ST6GALNAC3: variants seen among roughly 807,000 people sequenced by gnomAD.
The protein encoded by ST6GALNAC3 is ST6 N-acetylgalactosaminide alpha-2,6-sialyltransferase 3, also known as alpha-N-acetylgalactosaminide alpha-2,6-sialyltransferase 3.
A neutral mutation model predicts 32.7 loss-of-function variants in ST6GALNAC3; 25 were observed. That is an observed-to-expected ratio of 0.76 (90% confidence interval 0.56 to 1.07). The LOEUF (loss-of-function observed/expected upper bound fraction) is 1.07, where lower values mean the gene tolerates loss of function less well. Ranked by LOEUF, ST6GALNAC3 falls within the 50% of genes least tolerant of loss-of-function variation. The pLI, the probability that ST6GALNAC3 is intolerant of heterozygous loss-of-function variation, is 0.00. For missense variants in ST6GALNAC3, 355 were observed against 382.4 expected (o/e 0.93, Z 0.60); for synonymous variants, 129 against 133.1 (o/e 0.97, Z 0.21).
chr1:76,284,112 A>G (rs1659648206), intron 1 of ST6GALNAC3, among the ~76,000 whole-genome samples: 1 of 152,236 alleles, frequency 6.6e-6, no homozygotes, highest in African/African-American at 2.4e-5. Context: ...AAGTATTACT[A>G]CTATTAGATT....
chr1:76,138,243 G>T (rs1393116682), intron 1 of ST6GALNAC3, among the ~76,000 whole-genome samples: 1 of 152,172 alleles, frequency 6.6e-6, no homozygotes, highest in East Asian at 1.9e-4. Flanking sequence ...AAGGGCTTAT[G>T]GAGGGGAGAC....
At chr1:76,113,501 C>CTT (rs35035784) in intron 1 of ST6GALNAC3, among the ~76,000 whole-genome samples, 1 of 151,010 alleles carries the variant, frequency 6.6e-6, no homozygotes, top group East Asian at 1.9e-4. Flanking sequence ...TTCTTACATA[C>CTT]TTTTTTTTGG....
chr1:76,436,622 A>G (rs1304436100), intron 3 of ST6GALNAC3, among the ~76,000 whole-genome samples: 1 of 152,172 alleles, frequency 6.6e-6, no homozygotes, highest in Non-Finnish European at 1.5e-5. Context: ...AAAGCATTTA[A>G]TGAATCCTTA....
intron 2 of ST6GALNAC3, among the ~76,000 whole-genome samples, chr1:76,356,732 C>G (rs116655777): frequency 0.011 from 1,707 of 152,224 alleles, 26 homozygotes; most frequent in African/African-American, 0.039. Flanking sequence ...CTGAATCCCC[C>G]AGTCCTGATA....
intron 1 of ST6GALNAC3, among the ~76,000 whole-genome samples, chr1:76,194,623 A>T (rs550779048): frequency 5.3e-5 from 8 of 152,336 alleles, no homozygotes; most frequent in African/African-American, 1.9e-4. Flanking sequence ...AAGAGAAGAC[A>T]TAGATATGGA....
intron 2 of ST6GALNAC3, among the ~76,000 whole-genome samples, chr1:76,330,578 G>C (rs142192658): frequency 1.3e-5 from 2 of 152,316 alleles, no homozygotes; most frequent in African/African-American, 4.8e-5. Flanking sequence ...GAGGACATCT[G>C]TGTGCTAGGC....
At chr1:76,455,755 T>G (rs980550706) in intron 3 of ST6GALNAC3, among the ~76,000 whole-genome samples, 5 of 152,210 alleles carry the variant, frequency 3.3e-5, no homozygotes, top group African/African-American at 1.2e-4. Flanking sequence ...CCCAGCATTT[T>G]GTTGTGCTTT....
chr1:76,171,088 G>GGT (rs71071988), intron 1 of ST6GALNAC3, among the ~76,000 whole-genome samples: 5,379 of 149,524 alleles, frequency 0.036, 180 homozygotes, highest in African/African-American at 0.085. Context: ...CATTGAGAGG[G>GGT]GTGTGTGTGT....
At chr1:76,526,164 T>C (rs1171364038) in intron 3 of ST6GALNAC3, among the ~76,000 whole-genome samples, 1 of 151,918 alleles carries the variant, frequency 6.6e-6, no homozygotes, top group African/African-American at 2.4e-5. Flanking sequence ...AGGACGACGA[T>C]AGAATTTTCC....
At chr1:76,518,133 T>A (rs958349517) in intron 3 of ST6GALNAC3, among the ~76,000 whole-genome samples, 1 of 152,056 alleles carries the variant, frequency 6.6e-6, no homozygotes, top group Non-Finnish European at 1.5e-5. Flanking sequence ...TTTCTCCTTA[T>A]AAAATTTTAA....
At chr1:76,581,391 G>T (rs1479048622) in intron 3 of ST6GALNAC3, among the ~76,000 whole-genome samples, 3 of 152,156 alleles carry the variant, frequency 2.0e-5, no homozygotes, top group Non-Finnish European at 4.4e-5. Context: ...TGGGAAGAGT[G>T]CATGTGTTAT....
chr1:76,457,686 G>A (rs1321836160), intron 3 of ST6GALNAC3, among the ~76,000 whole-genome samples: 1 of 152,082 alleles, frequency 6.6e-6, no homozygotes, highest in Non-Finnish European at 1.5e-5. Context: ...GCCATATGTA[G>A]AAAGCTGAAA....
At chr1:76,113,247 G>A (rs1648206412) in intron 1 of ST6GALNAC3, among the ~76,000 whole-genome samples, 1 of 151,380 alleles carries the variant, frequency 6.6e-6, no homozygotes, top group Non-Finnish European at 1.5e-5. Context: ...GCTGAGGCAG[G>A]AGAATCAGGC....
intron 3 of ST6GALNAC3, among the ~76,000 whole-genome samples, chr1:76,594,793 C>T (rs910242119): frequency 6.6e-6 from 1 of 152,048 alleles, no homozygotes; most frequent in African/African-American, 2.4e-5. Flanking sequence ...TTTATGTGAC[C>T]ACTCAACAGA....
intron 3 of ST6GALNAC3, among the ~76,000 whole-genome samples, chr1:76,441,275 T>C (rs17629475): frequency 0.13 from 19,530 of 152,134 alleles, 1,451 homozygotes; most frequent in Middle Eastern, 0.26. Flanking sequence ...ATATTACTTA[T>C]GTAACGTGTA....
rs72996519 is a variant in ST6GALNAC3, at chr1:76,185,555, G to A, written c.18+110671G>A. On this transcript the variant is annotated intron_variant, in intron 1 of 4. Coordinates refer to ENST00000328299, the MANE Select transcript of ST6GALNAC3 (RefSeq NM_152996.4). ...TGTGGTTTCATCTGTGCCTCACTCT[G>A]AATTTTACTCTGGGCTCCTCACCCC... Among the ~76,000 whole-genome samples the A allele has an allele frequency of 6.6e-4, 101 of 152,274 alleles. 1 individual carries two copies. The highest frequency in any genetic ancestry group is 2.4e-3 in the African/African-American group (101 of 41,544).
At chr1:76,372,437 G>GA (rs1650904206) in intron 2 of ST6GALNAC3, among the ~76,000 whole-genome samples, 1 of 151,790 alleles carries the variant, frequency 6.6e-6, no homozygotes, top group African/African-American at 2.4e-5. Context: ...GGGTTTTCAT[G>GA]AAAAAAATTC....
At chr1:76,372,261 C>A (rs537366391) in intron 2 of ST6GALNAC3, among the ~76,000 whole-genome samples, 11 of 152,010 alleles carry the variant, frequency 7.2e-5, no homozygotes, top group South Asian at 4.2e-4. Flanking sequence ...GTCCTTGCCT[C>A]ATCATTTCAG....
chr1:76,339,197 G>C (rs755404970), intron 2 of ST6GALNAC3, among the ~76,000 whole-genome samples: 25 of 152,244 alleles, frequency 1.6e-4, no homozygotes, highest in Non-Finnish European at 2.9e-4. Flanking sequence ...CATGGCGAAG[G>C]GGACTTGCAG....
Sources: gnomAD v4.1 joint callset for allele counts (sites outside exome capture counted in the v4.1 genomes callset) on GRCh38, gnomAD v4.1.1 for gene constraint, MANE v1.5 for transcripts, NCBI Gene and HGNC (gene_info 2026-07-23, HGNC 2026-07-21) for gene names.